The following LAMA4 variants were observed in gnomAD, a reference collection of about 807,000 sequenced individuals.
LAMA4 encodes laminin subunit alpha-4.
LAMA4 carries 127 observed loss-of-function variants against 207.1 expected under a neutral mutation model. The observed-to-expected ratio is 0.61, with a 90% CI of 0.53 to 0.71. The LOEUF (loss-of-function observed/expected upper bound fraction) is 0.71. Among genes scored for constraint, LAMA4 ranks in the 30% least tolerant of loss-of-function variants. LAMA4 has a pLI of 0.00. For missense variants in LAMA4, 2,093 were observed against 2,246.5 expected, an observed-to-expected ratio of 0.93 and a Z score of 1.38; for synonymous variants, 761 against 816.0, an observed-to-expected ratio of 0.93 and a Z score of 1.15.
intron 9 of LAMA4, among the ~76,000 whole-genome samples, 160 bp downstream of exon 9, chr6:112,185,077 C>G (rs1468859792): frequency 1.3e-5 from 2 of 152,158 alleles, no homozygotes; most frequent in Non-Finnish European, 2.9e-5. Context: ...AGTATGTTAA[C>G]TTTCTCCACA....
At chr6:112,180,678 G>A (rs782224458) in intron 9 of LAMA4, among the ~76,000 whole-genome samples, 7 of 152,172 alleles carry the variant, frequency 4.6e-5, no homozygotes, top group Admixed American at 6.5e-5. Flanking sequence ...GGTAGATGAC[G>A]TGAGGATGAT....
intron 2 of LAMA4, chr6:112,234,583 A>C (rs1195230040): frequency 6.6e-6 from 1 of 151,990 alleles, no homozygotes; most frequent in African/African-American, 2.4e-5. Flanking sequence ...AGCAGATTAA[A>C]AAAAAAAAGA....
At chr6:112,126,350 A>C (rs1276684985) in intron 31 of LAMA4, among the ~76,000 whole-genome samples, 3 of 152,202 alleles carry the variant, frequency 2.0e-5, no homozygotes, top group Non-Finnish European at 4.4e-5. Context: ...TTTTAGCATC[A>C]ATGTATGAGG....
At chr6:112,237,297 A>C (rs9487861) in intron 2 of LAMA4, among the ~76,000 whole-genome samples, 14,079 of 152,248 alleles carry the variant, frequency 0.092, 1,166 homozygotes, top group African/African-American at 0.21. Context: ...ACCAGTGACA[A>C]GTACTGGCCC....
rs370369688 is a variant in LAMA4, at chr6:112,148,202, C to A, written c.2308G>T (p.Asp770Tyr). 1.7e-5 allele frequency: 27 copies of A among 1,614,040 alleles called. No homozygotes were observed. The highest frequency in any genetic ancestry group is 3.3e-5 in the Admixed American group (2 of 60,002). The change falls in exon 18 of 39, where the codon GAC (aspartate) becomes TAC (tyrosine). Residue 770 changes from aspartate to tyrosine, a missense_variant. This residue lies in a region of LAMA4 where 1,704 missense variants were observed against 1,788.4 expected (regional missense o/e 0.95). Transcript: ENST00000230538. ...ACTGCAGTGTTGTAAGCAGAAGAGT[C>A]AAAATGTTGAAGATTCTGTGACCAG... ...TNWSQNLQHFDSSAYNTAVNS... is the reference protein window; with the variant it reads ...TNWSQNLQHFYSSAYNTAVNS...
chr6:112,166,336 A>G (rs186301630), intron 12 of LAMA4: 2 of 152,284 alleles, frequency 1.3e-5, no homozygotes, highest in Admixed American at 1.3e-4. Context: ...TAAAGAAACA[A>G]TTTTCCCTGA....
chr6:112,241,823 C>A (rs1786536389), intron 2 of LAMA4, among the ~76,000 whole-genome samples: 3 of 152,158 alleles, frequency 2.0e-5, no homozygotes, highest in Admixed American at 1.3e-4. Flanking sequence ...CTGCAGATTT[C>A]AATCCCTATA....
In LAMA4 at chr6:112,207,007, C is replaced by A. The variant is rs782345405; in HGVS notation, c.422+14G>T. The A allele has an allele frequency of 9.3e-6, 15 of 1,613,724 alleles. No homozygotes were observed. The highest frequency in any genetic ancestry group is 1.3e-5 in the Non-Finnish European group (15 of 1,179,868). ...ACTGATCATTAGAAGAGACCATCCT[C>A]CTTTAGGACTTACTTGGCCAAGTGG... On this transcript the variant is annotated intron_variant, in intron 4 of 38. Coordinates refer to ENST00000230538, the MANE Select transcript of LAMA4 (RefSeq NM_001105206.3).
At chr6:112,249,117 T>C (rs1554189210) in intron 2 of LAMA4, among the ~76,000 whole-genome samples, 1 of 152,182 alleles carries the variant, frequency 6.6e-6, no homozygotes, top group Non-Finnish European at 1.5e-5. Flanking sequence ...ACTGCAAAAA[T>C]GGTCTTTAAA....
intron 9 of LAMA4, among the ~76,000 whole-genome samples, chr6:112,183,807 C>G (rs1208910268): frequency 6.6e-6 from 1 of 151,560 alleles, no homozygotes; most frequent in Non-Finnish European, 1.5e-5. Context: ...AAAAATTAGC[C>G]AGGCGTGGTG....
At chr6:112,252,340 C>T (rs1787520940) in intron 2 of LAMA4, among the ~76,000 whole-genome samples, 1 of 152,208 alleles carries the variant, frequency 6.6e-6, no homozygotes, top group Non-Finnish European at 1.5e-5. Context: ...TTTCACCAAA[C>T]ATATGAGCAC....
At chr6:112,204,664 C>G (rs548217062) in intron 4 of LAMA4, among the ~76,000 whole-genome samples, 30 of 152,212 alleles carry the variant, frequency 2.0e-4, no homozygotes, top group African/African-American at 7.0e-4. Context: ...AAAACGAATG[C>G]TTGAGAGCAG....
chr6:112,151,091 C>T (rs1172827663), intron 16 of LAMA4, among the ~76,000 whole-genome samples: 3 of 151,688 alleles, frequency 2.0e-5, no homozygotes, highest in Non-Finnish European at 2.9e-5. Flanking sequence ...CAAAAATGTT[C>T]ACAAAATGAA....
intron 16 of LAMA4, among the ~76,000 whole-genome samples, chr6:112,153,621 T>C (rs1780526721): frequency 6.6e-6 from 1 of 152,088 alleles, no homozygotes; most frequent in Admixed American, 6.5e-5. Context: ...AAGAATAAAA[T>C]ATTTAAGTCA....
chr6:112,180,891 C>T (rs1446850913), intron 9 of LAMA4, among the ~76,000 whole-genome samples: 5 of 152,168 alleles, frequency 3.3e-5, no homozygotes, highest in Admixed American at 1.3e-4. Context: ...ACATTAATGA[C>T]CCTAAATTCC....
chr6:112,206,975 T>A (rs1784092455), intron 4 of LAMA4, 46 bp downstream of exon 4: 1 of 1,596,852 alleles, frequency 6.3e-7, no homozygotes, highest in Non-Finnish European at 8.5e-7. Flanking sequence ...AACAAAACAA[T>A]ACATAGACTG....
At chr6:112,191,231 C>G (rs1422507325) in intron 6 of LAMA4, among the ~76,000 whole-genome samples, 2 of 151,970 alleles carry the variant, frequency 1.3e-5, no homozygotes, top group Admixed American at 6.6e-5. Flanking sequence ...ATCCACCCAC[C>G]TCAGCCTCCC....
chr6:112,197,000 A>T (rs1163153972), intron 5 of LAMA4, among the ~76,000 whole-genome samples: 2 of 152,174 alleles, frequency 1.3e-5, no homozygotes, highest in Non-Finnish European at 2.9e-5. Context: ...GACTTAAATT[A>T]TGTCGCATTT....
intron 38 of LAMA4, 88 bp downstream of exon 38, chr6:112,113,988 A>AT (rs1252205345): frequency 6.7e-7 from 1 of 1,502,970 alleles, no homozygotes; most frequent in African/African-American, 1.4e-5. Flanking sequence ...TAGGTGCATC[A>AT]TAAAAACACA....
Sources: gnomAD v4.1 joint callset for allele counts (sites outside exome capture counted in the v4.1 genomes callset) on GRCh38, gnomAD v4.1.1 for gene constraint, gnomAD v4.1.1 regional missense constraint, MANE v1.5 for transcripts, NCBI Gene and HGNC (gene_info 2026-07-23, HGNC 2026-07-21) for gene names.